Variants in STXBP5L observed in about 807,000 individuals in gnomAD.
The protein encoded by STXBP5L is syntaxin binding protein 5L.
A neutral mutation model predicts 144.5 loss-of-function variants in STXBP5L; 65 were observed. That is an observed-to-expected ratio of 0.45 (90% CI 0.37 to 0.55). The LOEUF is 0.55. Ranked by LOEUF, STXBP5L falls within the 20% of genes least tolerant of loss-of-function variation. STXBP5L has a pLI of 0.00. For synonymous variants in STXBP5L, 505 were observed against 469.6 expected (o/e 1.08, Z -0.97); for missense variants, 1,298 against 1,405.5 (o/e 0.92, Z 1.22).
At chr3:121,362,600 T>C (rs1042527152) in intron 20 of STXBP5L, among the ~76,000 whole-genome samples, 3 of 152,144 alleles carry the variant, frequency 2.0e-5, no homozygotes, top group African/African-American at 4.8e-5. Flanking sequence ...TTGTGAATGC[T>C]GCCTGGCCTG....
At chr3:121,062,609 C>T (rs1009473277) in intron 5 of STXBP5L, among the ~76,000 whole-genome samples, 7 of 152,212 alleles carry the variant, frequency 4.6e-5, no homozygotes, top group South Asian at 2.1e-4. Context: ...TGTTTTCCAA[C>T]TTTCTTCTGT....
chr3:121,236,158 A>G (rs1045167700), intron 12 of STXBP5L, among the ~76,000 whole-genome samples: 2 of 152,174 alleles, frequency 1.3e-5, no homozygotes, highest in East Asian at 1.9e-4. Context: ...TATTACATCC[A>G]TAAGTCTTTA....
intron 5 of STXBP5L, among the ~76,000 whole-genome samples, chr3:121,100,484 C>G (rs898979646): frequency 2.0e-5 from 3 of 152,050 alleles, no homozygotes. Context: ...AAAACTTGCT[C>G]CCGATTGACT....
At chr3:121,303,074 T>C (rs548683777) in intron 19 of STXBP5L, among the ~76,000 whole-genome samples, 53 of 152,214 alleles carry the variant, frequency 3.5e-4, no homozygotes, top group African/African-American at 1.1e-3. Context: ...CAAAAGAAAC[T>C]ACCATCAGAG....
intron 9 of STXBP5L, among the ~76,000 whole-genome samples, chr3:121,176,445 G>A (rs2046935770): frequency 8.6e-6 from 1 of 116,814 alleles, no homozygotes; most frequent in Non-Finnish European, 1.7e-5. Context: ...CCAAAAGAGA[G>A]TTCTTTGAAA....
chr3:121,003,400 GTTGT>G (rs1454114474), intron 3 of STXBP5L, among the ~76,000 whole-genome samples: 1 of 151,886 alleles, frequency 6.6e-6, no homozygotes, highest in East Asian at 1.9e-4. Context: ...TTTTAATGGG[GTTGT>G]TTCTTTCTTG....
At chr3:121,205,826 T>C in intron 9 of STXBP5L, 97 bp from the exon 10 acceptor site, 4 of 562,260 alleles carry the variant, frequency 7.1e-6, no homozygotes, top group Non-Finnish European at 1.2e-5. Context: ...ATTAACATTA[T>C]TATTCCTTTA....
At chr3:121,113,883 A>C (rs1045082638) in intron 5 of STXBP5L, among the ~76,000 whole-genome samples, 4 of 151,978 alleles carry the variant, frequency 2.6e-5, no homozygotes, top group Non-Finnish European at 5.9e-5. Context: ...CATGTTGGCC[A>C]GGATGGTCTT....
At chr3:121,300,788 T>A (rs2051864591) in intron 19 of STXBP5L, among the ~76,000 whole-genome samples, 1 of 151,732 alleles carries the variant, frequency 6.6e-6, no homozygotes, top group Non-Finnish European at 1.5e-5. Flanking sequence ...AGACATAAAC[T>A]TAACCCCATC....
At chr3:121,355,296 C>A (rs574896804) in intron 20 of STXBP5L, among the ~76,000 whole-genome samples, 1 of 152,286 alleles carries the variant, frequency 6.6e-6, no homozygotes, top group African/African-American at 2.4e-5. Context: ...CAACTTGGTT[C>A]CATTCTCCCT....
At chr3:121,185,394 T>A (rs914172436) in intron 9 of STXBP5L, among the ~76,000 whole-genome samples, 36 of 152,312 alleles carry the variant, frequency 2.4e-4, no homozygotes, top group African/African-American at 8.2e-4. Context: ...CTGAATGGTA[T>A]TGCCTAGGTT....
chr3:121,138,777 G>A (rs972842251), intron 7 of STXBP5L, among the ~76,000 whole-genome samples: 3 of 151,806 alleles, frequency 2.0e-5, no homozygotes, highest in African/African-American at 7.3e-5. Context: ...ATAATTAAGT[G>A]TAAATCCTTA....
chr3:121,068,232 T>G (rs778318574), intron 5 of STXBP5L, among the ~76,000 whole-genome samples: 16 of 152,164 alleles, frequency 1.1e-4, no homozygotes, highest in Admixed American at 8.5e-4. Context: ...ATGGTCTCAA[T>G]CTCTTGACCT....
rs2047402032 is a variant in STXBP5L, at chr3:121,423,734, G to A, written c.*4637G>A. On this transcript the variant is annotated 3_prime_UTR_variant, in exon 27 of 27. Transcript: ENST00000471454. Reference sequence around the variant, plus strand: ...CCAAAGTTGATTATCACTGCTTTATGGCCAACTAAGGAAACCTTGTTTGTC... The same window carrying A: ...CCAAAGTTGATTATCACTGCTTTATAGCCAACTAAGGAAACCTTGTTTGTC... The A allele has an allele frequency of 6.6e-6, 1 of 152,166 alleles. No homozygotes were observed. Among genetic ancestry groups the A allele is most frequent in the Non-Finnish European group, 1.5e-5 (1 of 68,024 alleles). The allele number at this position is 152,166 out of a possible 1,614,324, so 9.4% of individuals were successfully genotyped here.
chr3:121,092,378 C>G (rs986338707), intron 5 of STXBP5L, among the ~76,000 whole-genome samples: 2 of 152,062 alleles, frequency 1.3e-5, no homozygotes, highest in African/African-American at 4.8e-5. Flanking sequence ...GCCATTTTCA[C>G]GATATTGATT....
At chr3:121,106,507 G>C (rs776074384) in intron 5 of STXBP5L, among the ~76,000 whole-genome samples, 1 of 152,120 alleles carries the variant, frequency 6.6e-6, no homozygotes, top group Non-Finnish European at 1.5e-5. Context: ...TTGGTTTTCT[G>C]TTCCTGTGTT....
At chr3:121,345,692 A>G (rs1039872184) in intron 20 of STXBP5L, among the ~76,000 whole-genome samples, 17 of 152,030 alleles carry the variant, frequency 1.1e-4, no homozygotes, top group African/African-American at 3.9e-4. Context: ...CTTTTTAATG[A>G]CTGCCATTCT....
At chr3:121,166,521 C>T (rs556069086) in intron 9 of STXBP5L, among the ~76,000 whole-genome samples, 1 of 152,266 alleles carries the variant, frequency 6.6e-6, no homozygotes, top group African/African-American at 2.4e-5. Context: ...ATTTGCAAAT[C>T]TAATAATCTT....
chr3:121,199,307 CT>C (rs1056419607), intron 9 of STXBP5L, among the ~76,000 whole-genome samples: 13 of 152,132 alleles, frequency 8.5e-5, no homozygotes, highest in Non-Finnish European at 4.4e-5. Context: ...TATAGGAATG[CT>C]TGTGATTTTT....
Sources: gnomAD v4.1 joint callset for allele counts (sites outside exome capture counted in the v4.1 genomes callset) on GRCh38, gnomAD v4.1.1 for gene constraint, MANE v1.5 for transcripts, NCBI Gene and HGNC (gene_info 2026-07-23, HGNC 2026-07-21) for gene names.